Variants in SNX16 observed in about 807,000 individuals in gnomAD.
SNX16 encodes sorting nexin 16.
SNX16 carries 35 observed loss-of-function variants against 36.7 expected under a neutral mutation model. The ratio of observed to expected loss-of-function variants is 0.95; its 90% CI spans 0.73 to 1.27. The LOEUF is 1.27. Ranked by LOEUF, SNX16 falls within the 50% of genes most tolerant of loss-of-function variation. The pLI is 0.00. For missense variants in SNX16, 367 were observed against 393.6 expected (o/e 0.93, Z 0.57); for synonymous variants, 134 against 132.0 (o/e 1.02, Z -0.10).
chr8:81,815,410 A>C lies in SNX16; in HGVS notation c.612-16T>G. On this transcript the variant is annotated splice_polypyrimidine_tract_variant and intron_variant, in intron 4 of 7. Transcript: ENST00000345957. ...CACTGCAAGGCTTTTCAAAGGAAAAAAAAAATGATCTGAAGTACAAATAAG... is the reference window on the plus strand; with the variant it reads ...CACTGCAAGGCTTTTCAAAGGAAAACAAAAATGATCTGAAGTACAAATAAG... 2 of 1,608,968 alleles carry C rather than the reference A, an allele frequency of 1.2e-6. No individual in the cohort carries two copies. Among genetic ancestry groups the C allele is most frequent in the Non-Finnish European group, 1.7e-6 (2 of 1,177,030 alleles).
intron 4 of SNX16, among the ~76,000 whole-genome samples, chr8:81,822,941 C>CATATATAT (rs1810819886): frequency 2.0e-5 from 1 of 50,532 alleles, no homozygotes; most frequent in African/African-American, 1.2e-4. Flanking sequence ...TATATATATA[C>CATATATAT]ATATACATAT....
At chr8:81,837,832 A>G (rs1586025455) in intron 2 of SNX16, among the ~76,000 whole-genome samples, 1 of 152,110 alleles carries the variant, frequency 6.6e-6, no homozygotes, top group African/African-American at 2.4e-5. Flanking sequence ...ATTTTCTAAA[A>G]AGAGAGAGAG....
rs202126143 is a variant in SNX16, at chr8:81,839,994, T to C, written c.-8A>G. On this transcript the variant is annotated 5_prime_UTR_variant, in exon 2 of 8. Transcript: ENST00000345957. ...GACATAAGGAGTTGCCATCTTCTTTTGGCTTTTCCAACAAGCTTGCACACT... is the reference window on the plus strand; with the variant it reads ...GACATAAGGAGTTGCCATCTTCTTTCGGCTTTTCCAACAAGCTTGCACACT... 1,803 of 1,585,364 alleles carry C rather than the reference T, an allele frequency of 1.1e-3. 6 individuals carry two copies. Among genetic ancestry groups the C allele is most frequent in the Non-Finnish European group, 1.4e-3 (1,620 of 1,167,190 alleles).
intron 4 of SNX16, among the ~76,000 whole-genome samples, chr8:81,821,069 C>T (rs1428226493): frequency 6.7e-6 from 1 of 149,960 alleles, no homozygotes; most frequent in African/African-American, 2.5e-5. Flanking sequence ...TCCCTAAATG[C>T]CTGATAATAT....
chr8:81,822,964 A>ATG lies in SNX16; in HGVS notation c.611+827_611+828insCA, dbSNP rs145512877. Among the ~76,000 whole-genome samples the ATG allele has an allele frequency of 4.1e-3, 517 of 127,138 alleles. 3 individuals are homozygous for ATG. Among genetic ancestry groups the ATG allele is most frequent in the African/African-American group, 8.2e-3 (266 of 32,344 alleles). The allele number at this position is 127,138 out of a possible 152,430, so 83.4% of individuals were successfully genotyped here. A position where few individuals can be genotyped will look rare whatever the true frequency, so the allele number is the denominator to read the frequency against. The stretch of plus-strand genomic sequence containing the variant: ...TACATATACATATATATATATATAT[A>ATG]TATATATATATACACATATGTGTGT... On this transcript the variant is annotated intron_variant, in intron 4 of 7. Coordinates refer to ENST00000345957, the MANE Select transcript of SNX16 (RefSeq NM_152836.3).
At chr8:81,801,616 A>T in intron 7 of SNX16, 23 bp from the exon 8 acceptor site, 1 of 1,307,252 alleles carries the variant, frequency 7.6e-7, no homozygotes, top group Non-Finnish European at 1.1e-6. Flanking sequence ...AAAAAAAAGG[A>T]ACATATCAAT....
At chr8:81,841,341 C>CAA (rs34609959) in intron 1 of SNX16, among the ~76,000 whole-genome samples, 7,843 of 89,380 alleles carry the variant, frequency 0.088, 604 homozygotes, top group East Asian at 0.45. Context: ...AACTCCGTCT[C>CAA]AAAAAAAAAA....
Position 81,801,597 on chromosome 8 carries a change from CAA to C in SNX16, c.939-6_939-5del, listed in dbSNP as rs33964984. The C allele has an allele frequency of 0.039, 39,422 of 1,002,846 alleles. No homozygotes were observed. Among genetic ancestry groups the C allele is most frequent in the South Asian group, 0.045 (2,276 of 50,092 alleles). The allele number at this position is 1,002,846 out of a possible 1,614,324, so 62.1% of individuals were successfully genotyped here. ...TAAGCATGGTTTATTATCAGCTCTGCAAAAAAAAAAAAAAAAGGAACATATCA... is the reference window on the plus strand; with the variant it reads ...TAAGCATGGTTTATTATCAGCTCTGCAAAAAAAAAAAAAAGGAACATATCA... On this transcript the variant is annotated splice_region_variant and splice_polypyrimidine_tract_variant and intron_variant, in intron 7 of 7. Transcript: ENST00000345957.
intron 5 of SNX16, among the ~76,000 whole-genome samples, chr8:81,806,334 G>A (rs1005889564): frequency 4.6e-5 from 7 of 151,768 alleles, no homozygotes; most frequent in East Asian, 1.9e-4. Flanking sequence ...CTGAATTTGC[G>A]TTAATCTCAT....
At chr8:81,840,108 A>C in intron 1 of SNX16, 26 bp from the exon 2 acceptor site, 2 of 1,173,290 alleles carry the variant, frequency 1.7e-6, no homozygotes, top group Non-Finnish European at 2.4e-6. Flanking sequence ...ACATATTAAA[A>C]GGTTAGTCTT....
chr8:81,833,630 T>C (rs1174837210), intron 2 of SNX16, among the ~76,000 whole-genome samples: 1 of 152,172 alleles, frequency 6.6e-6, no homozygotes, highest in Admixed American at 6.5e-5. Context: ...ATTAGGAATA[T>C]CTACAAATAA....
intron 2 of SNX16, among the ~76,000 whole-genome samples, chr8:81,838,185 G>T (rs765450894): frequency 2.6e-5 from 4 of 152,220 alleles, no homozygotes; most frequent in South Asian, 4.1e-4. Flanking sequence ...ACCAACAGAT[G>T]TAAGAACCCT....
At chr8:81,807,841 G>T in intron 5 of SNX16, 1 of 763,312 alleles carries the variant, frequency 1.3e-6, no homozygotes. Flanking sequence ...GTTGAGTTTT[G>T]AAACAATTGA....
intron 2 of SNX16, among the ~76,000 whole-genome samples, chr8:81,834,827 G>A (rs117764244): frequency 0.01 from 1,532 of 152,314 alleles, 12 homozygotes; most frequent in Non-Finnish European, 0.016. Flanking sequence ...TTTATGAGCC[G>A]TGGCTTTTCC....
intron 5 of SNX16, among the ~76,000 whole-genome samples, chr8:81,812,611 T>C (rs989262801): frequency 6.6e-6 from 1 of 152,072 alleles, no homozygotes; most frequent in Non-Finnish European, 1.5e-5. Context: ...AATTTGTTGC[T>C]AGCAGACCCG....
At chr8:81,816,756 T>G (rs1810515316) in intron 4 of SNX16, among the ~76,000 whole-genome samples, 1 of 152,238 alleles carries the variant, frequency 6.6e-6, no homozygotes, top group South Asian at 2.1e-4. Flanking sequence ...GTGAAATTAC[T>G]TGCCTATTGT....
chr8:81,835,396 C>G (rs1018610830), intron 2 of SNX16, among the ~76,000 whole-genome samples: 1 of 152,206 alleles, frequency 6.6e-6, no homozygotes, highest in African/African-American at 2.4e-5. Context: ...TTCCTTATTA[C>G]TTATGCAAAT....
At chr8:81,822,947 CAT>C (rs949455303) in intron 4 of SNX16, among the ~76,000 whole-genome samples, 3,790 of 52,196 alleles carry the variant, frequency 0.073, 138 homozygotes, top group African/African-American at 0.17. Context: ...TATACATATA[CAT>C]ATATATATAT....
chr8:81,811,837 A>G (rs980631532), intron 5 of SNX16, among the ~76,000 whole-genome samples: 16 of 152,286 alleles, frequency 1.1e-4, no homozygotes, highest in South Asian at 2.1e-4. Context: ...CTATCTCTAA[A>G]CGGCCCCAAA....
Sources: allele counts gnomAD v4.1 joint callset (sites outside exome capture counted in the v4.1 genomes callset), GRCh38; gene constraint gnomAD v4.1.1; transcripts MANE v1.5; gene names NCBI Gene and HGNC (gene_info 2026-07-23, HGNC 2026-07-21).